The following RBFOX1 variants were observed in gnomAD, a reference collection of about 807,000 sequenced individuals.
RBFOX1 encodes RNA binding fox-1 homolog 1.
In RBFOX1, 8 loss-of-function variants were observed where a neutral mutation model predicts 57.7. That is an observed-to-expected ratio of 0.14 (90% CI 0.08 to 0.25). The LOEUF (loss-of-function observed/expected upper bound fraction) is 0.25, where lower values mean the gene tolerates loss of function less well. Ranked by LOEUF, RBFOX1 falls within the 10% of genes least tolerant of loss-of-function variation. The pLI is 1.00. For synonymous variants in RBFOX1, 326 were observed against 222.4 expected (o/e 1.47, Z -4.15); for missense variants, 611 against 548.5 (o/e 1.11, Z -1.14).
intron 2 of RBFOX1, among the ~76,000 whole-genome samples, chr16:6,531,520 C>A (rs1396830969): frequency 2.0e-5 from 3 of 152,160 alleles, no homozygotes; most frequent in African/African-American, 7.2e-5. Context: ...TTTTACTTTT[C>A]ATAGTTTTTA....
chr16:7,428,793 A>G (rs1010946950), intron 4 of RBFOX1, among the ~76,000 whole-genome samples: 2 of 151,974 alleles, frequency 1.3e-5, no homozygotes, highest in African/African-American at 2.4e-5. Flanking sequence ...TTTGAGGGCA[A>G]TTCACTTCCC....
chr16:5,809,063 G>C (rs913739804), intron 3 of RBFOX1, among the ~76,000 whole-genome samples: 6 of 152,140 alleles, frequency 3.9e-5, no homozygotes, highest in African/African-American at 1.4e-4. Flanking sequence ...AGAAAAACAA[G>C]CAATGGGGAA....
intron 3 of RBFOX1, among the ~76,000 whole-genome samples, chr16:5,822,687 G>A (rs2055898375): frequency 6.6e-6 from 1 of 152,188 alleles, no homozygotes; most frequent in Non-Finnish European, 1.5e-5. Context: ...GTGGAATTAT[G>A]TCTTCTTGGG....
intron 3 of RBFOX1, among the ~76,000 whole-genome samples, chr16:7,039,242 C>G (rs1313878769): frequency 1.3e-5 from 2 of 152,176 alleles, no homozygotes; most frequent in Non-Finnish European, 2.9e-5. Context: ...CGTATAACAA[C>G]AAATCCATTA....
intron 4 of RBFOX1, among the ~76,000 whole-genome samples, chr16:7,289,987 C>T (rs1190866610): frequency 6.6e-6 from 1 of 152,166 alleles, no homozygotes; most frequent in African/African-American, 2.4e-5. Flanking sequence ...CCAGAATAAG[C>T]TCTTTTAATT....
At chr16:6,678,631 T>C (rs1287397266) in intron 3 of RBFOX1, among the ~76,000 whole-genome samples, 1 of 151,440 alleles carries the variant, frequency 6.6e-6, no homozygotes, top group Non-Finnish European at 1.5e-5. Flanking sequence ...TCCTTTTTGC[T>C]TTACCATATG....
intron 1 of RBFOX1, among the ~76,000 whole-genome samples, chr16:6,255,884 C>A (rs1023563675): frequency 1.3e-5 from 2 of 151,282 alleles, no homozygotes; most frequent in African/African-American, 4.9e-5. Context: ...CACACCGGGG[C>A]CTGTACTTGG....
intron 1 of RBFOX1, chr16:5,289,384 C>T: frequency 2.6e-6 from 1 of 384,726 alleles, no homozygotes. Flanking sequence ...CATGGGAGGG[C>T]CCCCATATGG....
At chr16:6,550,679 C>G (rs191297717) in intron 2 of RBFOX1, among the ~76,000 whole-genome samples, 1 of 152,172 alleles carries the variant, frequency 6.6e-6, no homozygotes. Context: ...CCAGCATGAG[C>G]CAAAATCAAT....
At chr16:7,568,407 G>A (rs1353437194) in intron 5 of RBFOX1, among the ~76,000 whole-genome samples, 1 of 152,060 alleles carries the variant, frequency 6.6e-6, no homozygotes, top group Admixed American at 6.5e-5. Flanking sequence ...TGGTACTGGT[G>A]GGAGTGTCTC....
intron 5 of RBFOX1, among the ~76,000 whole-genome samples, chr16:7,560,182 C>T (rs987698687): frequency 6.6e-6 from 1 of 152,204 alleles, no homozygotes; most frequent in African/African-American, 2.4e-5. Flanking sequence ...CAACCAGAGG[C>T]AAACCTGTCA....
intron 11 of RBFOX1, among the ~76,000 whole-genome samples, chr16:7,650,308 ACT>A (rs1259199382): frequency 7.3e-6 from 1 of 137,116 alleles, no homozygotes; most frequent in Non-Finnish European, 1.5e-5. Context: ...GACCTGTGGA[ACT>A]CTCTTTTTTT....
chr16:7,546,568 T>C (rs570107224), intron 5 of RBFOX1, among the ~76,000 whole-genome samples: 22 of 152,262 alleles, frequency 1.4e-4, no homozygotes, highest in African/African-American at 5.3e-4. Flanking sequence ...TTGAGAGGCT[T>C]TGCAATGTTT....
At chr16:5,244,474 C>A (rs906795902) in intron 1 of RBFOX1, among the ~76,000 whole-genome samples, 1 of 152,232 alleles carries the variant, frequency 6.6e-6, no homozygotes, top group Non-Finnish European at 1.5e-5. Flanking sequence ...CACTCCCATA[C>A]TGGGGACTTG....
At chr16:5,608,048 C>G (rs1248548875) in intron 3 of RBFOX1, among the ~76,000 whole-genome samples, 1 of 152,166 alleles carries the variant, frequency 6.6e-6, no homozygotes, top group Non-Finnish European at 1.5e-5. Flanking sequence ...TCTCTTTGGT[C>G]ACAGAATAGG....
chr16:7,162,600 G>A (rs1001671704), intron 4 of RBFOX1, among the ~76,000 whole-genome samples: 70 of 149,818 alleles, frequency 4.7e-4, no homozygotes, highest in Admixed American at 2.4e-3. Context: ...TGCCAGGTAC[G>A]CGCCTGTAAT....
intron 1 of RBFOX1, among the ~76,000 whole-genome samples, chr16:6,193,397 T>TATATATA (rs2097157627): frequency 1.4e-4 from 4 of 29,368 alleles, no homozygotes; most frequent in African/African-American, 2.1e-4. Context: ...ATATACTATA[T>TATATATA]ATATATATAT....
At chr16:7,657,316 T>A (rs1320507604) in intron 12 of RBFOX1, among the ~76,000 whole-genome samples, 11 of 152,120 alleles carry the variant, frequency 7.2e-5, no homozygotes, top group Admixed American at 3.9e-4. Flanking sequence ...TAAAAAAAAT[T>A]TTTTTTGAGA....
intron 3 of RBFOX1, among the ~76,000 whole-genome samples, chr16:6,857,556 A>G (rs2058133820): frequency 6.6e-6 from 1 of 152,202 alleles, no homozygotes; most frequent in South Asian, 2.1e-4. Context: ...CTACAATTCA[A>G]GGCTGCTTCA....
Sources: allele counts gnomAD v4.1 joint callset (sites outside exome capture counted in the v4.1 genomes callset), GRCh38; gene constraint gnomAD v4.1.1; transcripts MANE v1.5; gene names NCBI Gene and HGNC (gene_info 2026-07-23, HGNC 2026-07-21).